ZNF469: variants seen among roughly 807,000 people sequenced by gnomAD.
The protein encoded by ZNF469 is zinc finger protein 469.
In ZNF469, 1 loss-of-function variant was observed where a neutral mutation model predicts 1.0. The ratio of observed to expected loss-of-function variants is 1.00; its 90% CI spans 0.35 to 4.73. ZNF469 has a LOEUF of 4.73. Among genes scored for constraint, ZNF469 ranks in the 30% most tolerant of loss-of-function variants. The probability of loss-of-function intolerance (pLI) is 0.16; values close to 1 mark genes in which losing one functional copy is unlikely to be tolerated. For synonymous variants in ZNF469, 2,703 were observed against 2,363.4 expected (o/e 1.14, Z -4.17); for missense variants, 6,100 against 5,356.3 (o/e 1.14, Z -4.33).
the ZNF469 span, among the ~76,000 whole-genome samples, chr16:88,144,207 G>C: frequency 4.5e-4 from 69 of 152,368 alleles, 1 homozygote; most frequent in South Asian, 6.4e-3. Context: ...GGCCAAAGGC[G>C]TGGTGGGGAG....
In ZNF469 at chr16:88,435,992, C is replaced by G; in HGVS notation, c.8522C>G (p.Ala2841Gly). The G allele has an allele frequency of 1.2e-5, 19 of 1,550,130 alleles. No homozygotes were observed. The highest frequency in any genetic ancestry group is 1.6e-5 in the Non-Finnish European group (18 of 1,146,998). The change falls in exon 3 of 3, where the codon GCC (alanine) becomes GGC (glycine). Residue 2841 changes from alanine (A) to glycine (G), a missense_variant. Transcript: ENST00000565624. ...GGGCCTGAAGGCCCCACTCCTGATG[C>G]CTCTGGCTCCAGTGCCAAGGATCCT... The part of the protein sequence containing the change: ...VQGPEGPTPD[A>G]SGSSAKDPPS...
At chr16:88,338,320 T>C in the ZNF469 span, among the ~76,000 whole-genome samples, 12 of 152,308 alleles carry the variant, frequency 7.9e-5, no homozygotes, top group Admixed American at 3.3e-4. Flanking sequence ...GATAGTGCTC[T>C]GTGGTTGATT....
the ZNF469 span, among the ~76,000 whole-genome samples, chr16:88,373,529 C>G: frequency 6.6e-6 from 1 of 152,240 alleles, no homozygotes; most frequent in African/African-American, 2.4e-5. Context: ...ATCTCTCCCT[C>G]TCTGGGCCTC....
the ZNF469 span, among the ~76,000 whole-genome samples, chr16:88,207,574 G>A: frequency 1.6e-4 from 24 of 149,630 alleles, no homozygotes; most frequent in East Asian, 4.8e-3. Context: ...CACAAACCGG[G>A]AGCTTAAAAC....
chr16:88,392,947 T>C (rs1904530114), intron 1 of ZNF469, among the ~76,000 whole-genome samples: 1 of 152,156 alleles, frequency 6.6e-6, no homozygotes, highest in South Asian at 2.1e-4. Flanking sequence ...CTGCTGAGGG[T>C]CGTGACTGTC....
chr16:88,239,715 ATTTTTTTTTTTTTTTTTTT>A, the ZNF469 span, among the ~76,000 whole-genome samples: 1 of 6,792 alleles, frequency 1.5e-4, no homozygotes, highest in African/African-American at 6.8e-4. Context: ...ATATATATAT[ATTTTTTTTTTTTTTTTTTT>A]TTTTTTTAGT....
the ZNF469 span, among the ~76,000 whole-genome samples, chr16:88,148,058 G>A: frequency 6.4e-4 from 96 of 150,572 alleles, 1 homozygote; most frequent in East Asian, 0.014. Flanking sequence ...TTTGCACCCC[G>A]CTCTGCAGCC....
the ZNF469 span, among the ~76,000 whole-genome samples, chr16:88,247,624 ATGAG>A: frequency 4.2e-5 from 6 of 142,264 alleles, no homozygotes; most frequent in Non-Finnish European, 9.2e-5. Flanking sequence ...GTTTGATTGA[ATGAG>A]TGAGAGTGAA....
At chr16:88,187,270 G>A in the ZNF469 span, among the ~76,000 whole-genome samples, 3 of 152,234 alleles carry the variant, frequency 2.0e-5, no homozygotes, top group Non-Finnish European at 4.4e-5. Flanking sequence ...TCCCAGGTCC[G>A]ACCGGACCCC....
the ZNF469 span, among the ~76,000 whole-genome samples, chr16:88,255,029 G>A: frequency 0.27 from 41,113 of 152,144 alleles, 6,703 homozygotes; most frequent in Middle Eastern, 0.45. Context: ...TTGTTCAGTA[G>A]CTTCTTTTCT....
Position 88,428,659 on chromosome 16 carries a change from C to T in ZNF469, c.1189C>T (p.Pro397Ser), listed in dbSNP as rs754305342. 3.9e-6 allele frequency: 6 copies of T among 1,550,028 alleles called. No homozygotes were observed. The South Asian group carries it at 5.9e-5, about 15-fold the overall frequency. Reference protein sequence around the residue: ...AQDGLGSTRGPPSSLPQRHFP... With the variant: ...AQDGLGSTRGSPSSLPQRHFP... ...GGATGGGCTGGGGAGCACGAGAGGGCCCCCTAGCTCCCTACCCCAGAGGCA... is the reference window on the plus strand; with the variant it reads ...GGATGGGCTGGGGAGCACGAGAGGGTCCCCTAGCTCCCTACCCCAGAGGCA... Residue 397 changes from proline to serine, a missense_variant, in exon 3 of 3, where the codon CCC becomes TCC. Physicochemically the swap from Pro to Ser is moderately conservative, Grantham distance 74. Coordinates refer to ENST00000565624, the MANE Select transcript of ZNF469 (RefSeq NM_001367624.2).
chr16:88,287,815 G>T, the ZNF469 span, among the ~76,000 whole-genome samples: 1 of 152,154 alleles, frequency 6.6e-6, no homozygotes, highest in Non-Finnish European at 1.5e-5. Flanking sequence ...TTAGCCTTAT[G>T]GCCAGCGCTG....
At chr16:88,395,570 C>G (rs963643661) in intron 1 of ZNF469, among the ~76,000 whole-genome samples, 1 of 152,038 alleles carries the variant, frequency 6.6e-6, no homozygotes, top group African/African-American at 2.4e-5. Flanking sequence ...ATACTAGGCA[C>G]CATGCTGTGA....
chr16:88,246,348 G>A, the ZNF469 span, among the ~76,000 whole-genome samples: 188 of 152,350 alleles, frequency 1.2e-3, no homozygotes, highest in Middle Eastern at 3.4e-3. Flanking sequence ...GAGACTGGCA[G>A]AAACAGGTGT....
At chr16:88,322,617 A>G in the ZNF469 span, among the ~76,000 whole-genome samples, 1 of 152,162 alleles carries the variant, frequency 6.6e-6, no homozygotes, top group African/African-American at 2.4e-5. Context: ...AGCAGGCGGC[A>G]CCACCACTCC....
chr16:88,397,655 G>GAGATAGATAGATAGATAGATAGATAGAT (rs143095907), intron 1 of ZNF469, among the ~76,000 whole-genome samples: 176 of 134,768 alleles, frequency 1.3e-3, no homozygotes, highest in African/African-American at 1.8e-3. Context: ...ATATAAATAA[G>GAGATAGATAGATAGATAGATAGATAGAT]AGATAGATAG....
Position 88,432,151 on chromosome 16 carries a change from G to C in ZNF469, c.4681G>C (p.Glu1561Gln). The change falls in exon 3 of 3, where the codon GAA (glutamate) becomes CAA (glutamine). Residue 1561 changes from glutamate to glutamine, a missense_variant. Physicochemically the swap from Glu to Gln is conservative, Grantham distance 29. Transcript: ENST00000565624. ...TCTTATGAGTCACCTGTCCGAGGATGAACTGGAGATCCAGAAATTGGTCAC... is the reference window on the plus strand; with the variant it reads ...TCTTATGAGTCACCTGTCCGAGGATCAACTGGAGATCCAGAAATTGGTCAC... ...VALMSHLSED[E>Q]LEIQKLVTEL... 1 of 1,550,372 alleles carries C rather than the reference G, an allele frequency of 6.5e-7. No homozygotes were observed. The highest frequency in any genetic ancestry group is 2.4e-5 in the East Asian group (1 of 40,906).
Position 88,436,236 on chromosome 16 carries a change from T to C in ZNF469, c.8766T>C (p.His2922=). The change falls in exon 3 of 3, where the codon CAT becomes CAC. Residue 2922 remains histidine (H), a synonymous_variant. Transcript: ENST00000565624. ...ACTCCAGCTCCCTCTGCCTCTGCCA[T>C]GAGGACCCGTGGGAGGACGAGGATC... is the stretch of plus-strand genomic sequence containing the variant. ...LSDSSSLCLC[H]EDPWEDEDPA... 1 of 1,549,504 alleles carries C rather than the reference T, an allele frequency of 6.5e-7. No homozygotes were observed. The highest frequency in any genetic ancestry group is 1.8e-4 in the Middle Eastern group (1 of 5,604).
the ZNF469 span, among the ~76,000 whole-genome samples, chr16:88,107,892 T>C: frequency 0.99 from 150,781 of 152,314 alleles, 74,641 homozygotes; most frequent in East Asian, 1. Context: ...TTAAGGCCCT[T>C]GGTTTGTGAT....
Sources: gnomAD v4.1 joint callset for allele counts (sites outside exome capture counted in the v4.1 genomes callset) on GRCh38, gnomAD v4.1.1 for gene constraint, MANE v1.5 for transcripts, NCBI Gene and HGNC (gene_info 2026-07-23, HGNC 2026-07-21) for gene names.